ESPN: variants seen among roughly 807,000 people sequenced by gnomAD.
The protein encoded by ESPN is autosomal recessive deafness type 36 protein.
A neutral mutation model predicts 77.7 loss-of-function variants in ESPN; 68 were observed. The observed-to-expected ratio is 0.87, with a 90% CI of 0.72 to 1.07. The LOEUF is 1.07. ESPN is among the 50% of genes least tolerant of loss of function. The pLI is 0.00. For synonymous variants in ESPN, 449 were observed against 567.1 expected (o/e 0.79, Z 2.96); for missense variants, 1,060 against 1,239.0 (o/e 0.86, Z 2.17).
chr1:6,461,304 G>A (rs1209167785), downstream of ESPN: 8 of 1,211,214 alleles, frequency 6.6e-6, no homozygotes, highest in Admixed American at 2.0e-5. The surrounding 1 kb of genome is among the most constrained non-coding windows in gnomAD (Gnocchi z 6.3). Flanking sequence ...GGGTGGGGCC[G>A]GCTGGTGCTG....
At chr1:6,436,227 C>A (rs1346680932) in intron 2 of ESPN, among the ~76,000 whole-genome samples, 1 of 152,086 alleles carries the variant, frequency 6.6e-6, no homozygotes, top group African/African-American at 2.4e-5. Flanking sequence ...TGAGACGCAG[C>A]CTCAAATTGG....
chr1:6,454,111 C>T (rs922346822), intron 10 of ESPN, among the ~76,000 whole-genome samples: 1 of 152,222 alleles, frequency 6.6e-6, no homozygotes, highest in Non-Finnish European at 1.5e-5. Flanking sequence ...TCGCAAGTTC[C>T]TTGGGTGGTG....
rs114752779 is a variant in ESPN at position 6,437,912 on chromosome 1, G to T, written c.489-2342G>T. Reference sequence around the variant, plus strand: ...ACACGTGACAGGGGTCAGAAGAGGGGCTAAGTCGTGTTGGGAACAAGAGGG... The same window carrying T: ...ACACGTGACAGGGGTCAGAAGAGGGTCTAAGTCGTGTTGGGAACAAGAGGG... On this transcript the variant is annotated intron_variant, in intron 2 of 12. Coordinates refer to ENST00000645284, the MANE Select transcript of ESPN (RefSeq NM_031475.3). This position sits in a 1 kb window ranked among gnomAD's most constrained non-coding sequence, Gnocchi z 4.5. 0.011 allele frequency among the ~76,000 whole-genome samples: 1,691 copies of T among 149,890 alleles called. 28 individuals carry two copies. The highest frequency in any genetic ancestry group is 0.039 in the African/African-American group (1,602 of 41,052).
At chr1:6,460,987 G>C (rs1412483725), downstream of ESPN, 13 of 379,928 alleles carry the variant, frequency 3.4e-5, no homozygotes, top group South Asian at 2.7e-4. Context: ...CGGGGTAATT[G>C]AGCCAGAGTG....
chr1:6,445,509 C>A, intron 6 of ESPN, 155 bp from the exon 7 acceptor site: 4 of 824,322 alleles, frequency 4.9e-6, no homozygotes, highest in Non-Finnish European at 8.1e-6. Context: ...GGAGGGGAAG[C>A]CCAGCACCGC....
intron 8 of ESPN, among the ~76,000 whole-genome samples, chr1:6,449,950 C>G (rs1643916179): frequency 6.6e-6 from 1 of 152,160 alleles, no homozygotes; most frequent in African/African-American, 2.4e-5. Flanking sequence ...ATCTCCCTGA[C>G]TAGAAGTGCA....
At chr1:6,429,894 C>T (rs1241884890) in intron 2 of ESPN, 1 of 153,646 alleles carries the variant, frequency 6.5e-6, no homozygotes, top group African/African-American at 2.4e-5. Context: ...TGCCAGCCCC[C>T]CAGGAGTCAC....
At position 6,447,028 on chromosome 1, in the gene ESPN, C is replaced by G. The variant is rs1643862784; in HGVS notation, c.1464+1093C>G. 6.6e-6 allele frequency: 1 copy of G among 152,442 alleles called. No homozygotes were observed. Among genetic ancestry groups the G allele is most frequent in the Admixed American group, 6.5e-5 (1 of 15,280 alleles). 9.4% of individuals were successfully genotyped at this position (152,442 alleles called of 1,614,324 possible). A position where few individuals can be genotyped will look rare whatever the true frequency, so the allele number is the denominator to read the frequency against. On this transcript the variant is annotated intron_variant, in intron 7 of 12. Transcript: ENST00000645284. The surrounding 1 kb of genome is among the most constrained non-coding windows in gnomAD (Gnocchi z 5.2). ...GGCCCTGGAATCGCTGAGTTCCCAA[C>G]GCAGACTGTTGGCCCCGCCCAAATC...
intron 3 of ESPN, 55 bp from the exon 4 acceptor site, chr1:6,440,556 GTACAGGGGGCGGGCC>G (rs1643590626): frequency 1.5e-6 from 1 of 683,970 alleles, no homozygotes; most frequent in Non-Finnish European, 2.0e-6. Context: ...GGCCACGGAG[GTACAGGGGGCGGGCC>G]TACAGGGGCC....
intron 10 of ESPN, 125 bp downstream of exon 10, chr1:6,452,221 T>C: frequency 8.4e-7 from 1 of 1,189,368 alleles, no homozygotes; most frequent in East Asian, 2.6e-5. Context: ...TTTTCTTTTC[T>C]TGAGACAGAG....
intron 2 of ESPN, among the ~76,000 whole-genome samples, chr1:6,431,159 T>G (rs549471850): frequency 1.3e-5 from 2 of 151,984 alleles, no homozygotes; most frequent in Admixed American, 1.3e-4. Flanking sequence ...GGCTGGGGAG[T>G]GAGGAGGCTC....
intron 8 of ESPN, among the ~76,000 whole-genome samples, chr1:6,449,615 G>A (rs1442800688): frequency 6.6e-6 from 1 of 152,224 alleles, no homozygotes; most frequent in Non-Finnish European, 1.5e-5. Context: ...AGTCTTCTTA[G>A]ATATGCCAGG....
chr1:6,429,657 T>G (rs1281958409), intron 2 of ESPN, among the ~76,000 whole-genome samples: 2 of 152,214 alleles, frequency 1.3e-5, no homozygotes, highest in African/African-American at 4.8e-5. Context: ...TGAGCCCACC[T>G]TCTGCAAGTG....
chr1:6,451,766 G>A lies in ESPN; in HGVS notation c.2061+18G>A, dbSNP rs373076037. ...CCTTCCAGGTAGGCGGGCCCAGCAGGAGCCTGCGACCCGGCTTCCCTGGCC... is the reference window on the plus strand; with the variant it reads ...CCTTCCAGGTAGGCGGGCCCAGCAGAAGCCTGCGACCCGGCTTCCCTGGCC... On this transcript the variant is annotated intron_variant, in intron 9 of 12. Coordinates refer to ENST00000645284, the MANE Select transcript of ESPN (RefSeq NM_031475.3). The surrounding 1 kb of genome is among the most constrained non-coding windows in gnomAD (Gnocchi z 4.3). 2.6e-4 allele frequency: 426 copies of A among 1,611,128 alleles called. No homozygotes were observed. In the African/African-American group the frequency reaches 5.1e-3, roughly 19 times the overall value.
In ESPN at chr1:6,424,812, C is replaced by A; in HGVS notation, c.-144C>A. The stretch of plus-strand genomic sequence containing the variant: ...GAGCGGAGCGCCAGGCAGCGCGGAG[C>A]GGAGGCCAGGCCCACAGCCGCTCCG... On this transcript the variant is annotated 5_prime_UTR_variant, in exon 1 of 13. Coordinates refer to ENST00000645284, the MANE Select transcript of ESPN (RefSeq NM_031475.3). 1.2e-6 allele frequency: 1 copy of A among 818,890 alleles called. No homozygotes were observed. Among genetic ancestry groups the A allele is most frequent in the Non-Finnish European group, 1.6e-6 (1 of 613,494 alleles). 50.7% of individuals were successfully genotyped at this position (818,890 alleles called of 1,614,324 possible). A position where few individuals can be genotyped will look rare whatever the true frequency, so the allele number is the denominator to read the frequency against.
rs775645907 is a variant in ESPN at position 6,440,942 on chromosome 1, G to C, written c.867G>C (p.Gln289His). ...AAENGELECC[Q>H]ILVVNGAELD... ...ACTGCGTGCCCCCGCAGTGCTGCCA[G>C]ATCCTGGTAGTGAACGGCGCGGAGC... Residue 289 changes from glutamine (Q) to histidine (H), a missense_variant, in exon 5 of 13, where the codon CAG (glutamine) becomes CAC (histidine). Transcript: ENST00000645284. The C allele has an allele frequency of 1.3e-6, 2 of 1,584,194 alleles. No individual in the cohort carries two copies. Among genetic ancestry groups the C allele is most frequent in the Admixed American group, 3.6e-5 (2 of 55,972 alleles).
intron 10 of ESPN, among the ~76,000 whole-genome samples, 169 bp downstream of exon 10, chr1:6,452,265 T>C (rs1569731663): frequency 6.6e-6 from 1 of 151,428 alleles, no homozygotes; most frequent in Non-Finnish European, 1.5e-5. Flanking sequence ...AGTGCAGTGG[T>C]GCGATCTCGA....
chr1:6,461,293 G>C, downstream of ESPN: 1 of 1,082,792 alleles, frequency 9.2e-7, no homozygotes, highest in South Asian at 1.4e-5. This position sits in a 1 kb window ranked among gnomAD's most constrained non-coding sequence, Gnocchi z 6.3. Context: ...GGGGCGAGCA[G>C]GGGTGGGGCC....
chr1:6,457,330 A>G (rs752070009), intron 11 of ESPN, 31 bp from the exon 12 acceptor site: 2 of 1,614,222 alleles, frequency 1.2e-6, no homozygotes, highest in Non-Finnish European at 1.7e-6. Flanking sequence ...AGGTGGAGGT[A>G]CCAAGTGACA....
Sources: gnomAD v4.1 joint callset for allele counts (sites outside exome capture counted in the v4.1 genomes callset) on GRCh38, gnomAD v4.1.1 for gene constraint, Gnocchi (gnomAD v3.1) non-coding constraint, MANE v1.5 for transcripts, NCBI Gene and HGNC (gene_info 2026-07-23, HGNC 2026-07-21) for gene names.